The following EYA1 variants were observed in gnomAD, a reference collection of about 807,000 sequenced individuals.
EYA1 encodes the protein EYA transcriptional coactivator and phosphatase 1, also known as protein phosphatase EYA1.
EYA1 carries 16 observed loss-of-function variants against 82.0 expected under a neutral mutation model. The ratio of observed to expected loss-of-function variants is 0.20; its 90% CI spans 0.13 to 0.30. The LOEUF (loss-of-function observed/expected upper bound fraction) is 0.30. EYA1 is among the 10% of genes least tolerant of loss of function. The probability of loss-of-function intolerance (pLI) is 1.00; values close to 1 mark genes in which losing one functional copy is unlikely to be tolerated. For missense variants in EYA1, 633 were observed against 730.7 expected (o/e 0.87, Z 1.54); for synonymous variants, 261 against 264.4 (o/e 0.99, Z 0.12).
In EYA1 at chr8:71,200,978, C is replaced by T. The variant is rs567125226; in HGVS notation, c.1699-1558G>A. Among the ~76,000 whole-genome samples, 29 of 145,364 alleles carry T rather than the reference C, an allele frequency of 2.0e-4. No individual in the cohort carries two copies. The South Asian group carries it at 2.4e-3, about 12-fold the overall frequency. On this transcript the variant is annotated intron_variant, in intron 17 of 17. Transcript: ENST00000340726. ...AACACTCTGATGGTTATGTGCATTG[C>T]GGGACAGAAAATAATGGAGAAATTC... is the stretch of plus-strand genomic sequence containing the variant.
chr8:71,500,645 C>T (rs900886066), intron 2 of EYA1, among the ~76,000 whole-genome samples: 1 of 152,128 alleles, frequency 6.6e-6, no homozygotes, highest in Non-Finnish European at 1.5e-5. Flanking sequence ...TACACAACTT[C>T]GATCTTGATG....
intron 2 of EYA1, among the ~76,000 whole-genome samples, chr8:71,413,012 G>C (rs1293503768): frequency 1.3e-5 from 2 of 152,174 alleles, no homozygotes; most frequent in Non-Finnish European, 2.9e-5. Context: ...GCAGAGTCAG[G>C]CTGAGAAAGC....
intron 2 of EYA1, among the ~76,000 whole-genome samples, chr8:71,442,737 C>T (rs768820524): frequency 5.3e-5 from 8 of 152,220 alleles, no homozygotes; most frequent in South Asian, 2.1e-4. Context: ...ACTACCATAA[C>T]GATTTACAAA....
intron 2 of EYA1, among the ~76,000 whole-genome samples, chr8:71,515,046 C>T (rs1466740569): frequency 6.6e-6 from 1 of 152,054 alleles, no homozygotes; most frequent in Non-Finnish European, 1.5e-5. Flanking sequence ...GATCTTCCTT[C>T]CTGGTGGCAA....
intron 11 of EYA1, among the ~76,000 whole-genome samples, chr8:71,267,116 C>T (rs891013483): frequency 8.5e-5 from 13 of 152,178 alleles, no homozygotes; most frequent in South Asian, 2.1e-4. Context: ...TAAATCAGAT[C>T]TTCTCATCTC....
intron 11 of EYA1, among the ~76,000 whole-genome samples, chr8:71,261,762 A>T (rs1322128503): frequency 6.6e-6 from 1 of 152,196 alleles, no homozygotes; most frequent in Non-Finnish European, 1.5e-5. Context: ...AATTGGCTTC[A>T]ACACCAAGGG....
intron 10 of EYA1, 113 bp from the exon 11 acceptor site, chr8:71,269,936 AATTT>A (rs1816313496): frequency 1.2e-6 from 1 of 804,508 alleles, no homozygotes; most frequent in South Asian, 1.4e-5. Context: ...GAAAAATCTG[AATTT>A]ATTATTTCAA....
At chr8:71,252,688 A>G (rs1813893879) in intron 11 of EYA1, among the ~76,000 whole-genome samples, 1 of 152,176 alleles carries the variant, frequency 6.6e-6, no homozygotes, top group South Asian at 2.1e-4. Flanking sequence ...AAGGTGTCCT[A>G]TACTCTGAAG....
intron 7 of EYA1, among the ~76,000 whole-genome samples, chr8:71,310,888 T>C (rs1177977330): frequency 6.6e-6 from 1 of 152,078 alleles, no homozygotes; most frequent in Non-Finnish European, 1.5e-5. Flanking sequence ...GATTAAAATA[T>C]GACTAAAGAT....
intron 9 of EYA1, among the ~76,000 whole-genome samples, chr8:71,293,477 T>C (rs1819224250): frequency 6.6e-6 from 1 of 152,084 alleles, no homozygotes; most frequent in Non-Finnish European, 1.5e-5. Flanking sequence ...ATAAAGGCAT[T>C]ACAAGATATG....
intron 2 of EYA1, among the ~76,000 whole-genome samples, chr8:71,484,613 C>T (rs964795741): frequency 1.3e-5 from 2 of 152,234 alleles, no homozygotes; most frequent in South Asian, 4.1e-4. Context: ...GACTTCCCTA[C>T]CCCTGGCTGA....
intron 2 of EYA1, among the ~76,000 whole-genome samples, chr8:71,435,982 T>C (rs1278928285): frequency 6.6e-6 from 1 of 152,154 alleles, no homozygotes; most frequent in Non-Finnish European, 1.5e-5. Context: ...ATCACCAATA[T>C]CATTTTAATT....
chr8:71,463,300 G>A (rs948629246), intron 2 of EYA1, among the ~76,000 whole-genome samples: 2 of 152,182 alleles, frequency 1.3e-5, no homozygotes, highest in Non-Finnish European at 2.9e-5. Flanking sequence ...AATCTCACAA[G>A]TACAGAGAGA....
rs749811991 is a variant in EYA1 at position 71,317,682 on chromosome 8, C to G, written c.426G>C (p.Leu142Phe). ...QPYGISSYGA[L>F]WAGIKTEGGL... is the part of the protein sequence containing the mutation. The stretch of plus-strand genomic sequence containing the variant: ...CACCTTCAGTCTTGATGCCTGCCCA[C>G]AATGCACCTAAATCAGTTAGTGATA... The change falls in exon 7 of 18, where the codon TTG (leucine) becomes TTC (phenylalanine). Residue 142 changes from leucine to phenylalanine, a missense_variant. By Grantham distance (22) the Leu-to-Phe change is conservative. Coordinates refer to ENST00000340726, the MANE Select transcript of EYA1 (RefSeq NM_000503.6). 6.2e-7 allele frequency: 1 copy of G among 1,614,106 alleles called. No individual in the cohort carries two copies. Among genetic ancestry groups the G allele is most frequent in the Middle Eastern group, 1.6e-4 (1 of 6,062 alleles).
chr8:71,303,706 G>A (rs1040132760), intron 7 of EYA1, among the ~76,000 whole-genome samples: 2 of 140,150 alleles, frequency 1.4e-5, no homozygotes, highest in Non-Finnish European at 3.2e-5. Flanking sequence ...CTACTTCCAA[G>A]ACTGGAACAT....
intron 9 of EYA1, among the ~76,000 whole-genome samples, chr8:71,278,689 C>T (rs1408575214): frequency 6.6e-6 from 1 of 152,118 alleles, no homozygotes; most frequent in Non-Finnish European, 1.5e-5. Flanking sequence ...ATTATGCTTT[C>T]CTTCACAGAG....
chr8:71,229,474 C>T (rs761528926), intron 12 of EYA1, among the ~76,000 whole-genome samples: 3 of 152,142 alleles, frequency 2.0e-5, no homozygotes, highest in Non-Finnish European at 2.9e-5. Context: ...CCATCTTTCA[C>T]GTGTCTTTTT....
chr8:71,236,955 A>T (rs976496209), intron 12 of EYA1, among the ~76,000 whole-genome samples: 2 of 152,218 alleles, frequency 1.3e-5, no homozygotes, highest in African/African-American at 2.4e-5. Context: ...CCTTACCAGC[A>T]ATGTACACAA....
intron 9 of EYA1, among the ~76,000 whole-genome samples, chr8:71,288,991 G>A (rs139323809): frequency 2.0e-5 from 3 of 152,138 alleles, no homozygotes; most frequent in Non-Finnish European, 4.4e-5. Context: ...ACTTTAAAAC[G>A]AATAGCTTCC....
Sources: gnomAD v4.1 joint callset for allele counts (sites outside exome capture counted in the v4.1 genomes callset) on GRCh38, gnomAD v4.1.1 for gene constraint, MANE v1.5 for transcripts, NCBI Gene and HGNC (gene_info 2026-07-23, HGNC 2026-07-21) for gene names.